Variants in NXPE2 observed in about 807,000 individuals in gnomAD.
NXPE2 encodes the protein neurexophilin and PC-esterase domain family member 2.
Under a neutral mutation model 34.4 loss-of-function variants are expected in NXPE2, and 34 were observed. The ratio of observed to expected loss-of-function variants is 0.99; its 90% confidence interval spans 0.75 to 1.31. The LOEUF is 1.31. NXPE2 is among the 40% of genes most tolerant of loss of function. The probability of loss-of-function intolerance (pLI) is 0.00; values close to 1 mark genes in which losing one functional copy is unlikely to be tolerated. For missense variants in NXPE2, 649 were observed against 672.5 expected, an observed-to-expected ratio of 0.97 and a Z score of 0.39; for synonymous variants, 235 against 231.3, an observed-to-expected ratio of 1.02 and a Z score of -0.15.
At chr11:114,548,695 A>G in the NXPE2 span, among the ~76,000 whole-genome samples, 2 of 152,028 alleles carry the variant, frequency 1.3e-5, no homozygotes, top group African/African-American at 4.8e-5. Context: ...TTAAGTACCT[A>G]TGTAAATGAG....
chr11:114,785,713 C>A, the NXPE2 span, among the ~76,000 whole-genome samples: 1 of 152,172 alleles, frequency 6.6e-6, no homozygotes, highest in East Asian at 1.9e-4. Flanking sequence ...CTGGACACAA[C>A]CAGAGCTCTT....
the NXPE2 span, among the ~76,000 whole-genome samples, chr11:114,761,561 C>CTTTTTTTTTT: frequency 2.2e-5 from 2 of 92,774 alleles, no homozygotes; most frequent in Admixed American, 1.3e-4. Flanking sequence ...AGCCAAGCCT[C>CTTTTTTTTTT]TTTTTTTTTT....
the NXPE2 span, among the ~76,000 whole-genome samples, chr11:114,572,628 A>G: frequency 6.6e-6 from 1 of 152,206 alleles, no homozygotes; most frequent in Admixed American, 6.5e-5. Flanking sequence ...TCAGAGCTAG[A>G]AGACAAGGCT....
At chr11:114,541,685 C>T in the NXPE2 span, among the ~76,000 whole-genome samples, 36 of 152,198 alleles carry the variant, frequency 2.4e-4, no homozygotes, top group African/African-American at 7.7e-4. Context: ...ATGGTGCTTC[C>T]AGGCTATAGG....
At chr11:114,771,628 C>T in the NXPE2 span, among the ~76,000 whole-genome samples, 1 of 152,270 alleles carries the variant, frequency 6.6e-6, no homozygotes, top group East Asian at 1.9e-4. Flanking sequence ...CTCACTCTCA[C>T]TGCATCCTTT....
chr11:114,632,784 T>A, the NXPE2 span, among the ~76,000 whole-genome samples: 1 of 220 alleles, frequency 4.5e-3, no homozygotes. Flanking sequence ...ATATATTATA[T>A]ATTATATAAT....
the NXPE2 span, among the ~76,000 whole-genome samples, chr11:114,572,556 G>C: frequency 6.6e-6 from 1 of 152,126 alleles, no homozygotes; most frequent in Admixed American, 6.6e-5. Flanking sequence ...GATACACTTA[G>C]AGAAATGCAA....
At chr11:114,598,657 A>T in the NXPE2 span, among the ~76,000 whole-genome samples, 1 of 151,182 alleles carries the variant, frequency 6.6e-6, no homozygotes, top group Non-Finnish European at 1.5e-5. Context: ...CTTGAGCTGT[A>T]CCTGGGCCTC....
At chr11:114,551,738 T>G in the NXPE2 span, among the ~76,000 whole-genome samples, 2 of 151,986 alleles carry the variant, frequency 1.3e-5, no homozygotes, top group African/African-American at 2.4e-5. Flanking sequence ...CCTTCAGGAA[T>G]GAATTACTCT....
chr11:114,712,479 A>G, the NXPE2 span, among the ~76,000 whole-genome samples: 179 of 152,348 alleles, frequency 1.2e-3, no homozygotes, highest in African/African-American at 3.9e-3. Context: ...ATTTCTTCAC[A>G]AAAGATATAC....
the NXPE2 span, among the ~76,000 whole-genome samples, chr11:114,772,978 C>T: frequency 2.3e-4 from 35 of 152,260 alleles, no homozygotes; most frequent in African/African-American, 7.0e-4. Flanking sequence ...ATATTCTTTT[C>T]AGCCTTCTCT....
chr11:114,523,373 A>G, the NXPE2 span, among the ~76,000 whole-genome samples: 1 of 151,982 alleles, frequency 6.6e-6, no homozygotes, highest in Non-Finnish European at 1.5e-5. Flanking sequence ...TTGACGTTCT[A>G]TCCTTTTTTC....
At chr11:114,543,340 G>A in the NXPE2 span, among the ~76,000 whole-genome samples, 2 of 151,312 alleles carry the variant, frequency 1.3e-5, no homozygotes, top group African/African-American at 4.9e-5. Context: ...ACTCCAGCCT[G>A]GGCAACAGAG....
chr11:114,476,571 A>AG, the NXPE2 span, among the ~76,000 whole-genome samples: 1 of 152,196 alleles, frequency 6.6e-6, no homozygotes, highest in African/African-American at 2.4e-5. Flanking sequence ...GGCTGGGTTA[A>AG]GCCTCAGGAA....
At chr11:114,576,466 A>G in the NXPE2 span, among the ~76,000 whole-genome samples, 2 of 152,264 alleles carry the variant, frequency 1.3e-5, no homozygotes, top group East Asian at 3.9e-4. Context: ...CAAAGGGCTC[A>G]TATCCAGAAT....
the NXPE2 span, chr11:114,584,632 A>C: frequency 6.4e-6 from 1 of 157,000 alleles, no homozygotes; most frequent in African/African-American, 2.4e-5. Context: ...GTCACAGAAG[A>C]GGAGAAAAAT....
chr11:114,670,039 T>C, the NXPE2 span, among the ~76,000 whole-genome samples: 2 of 151,980 alleles, frequency 1.3e-5, no homozygotes, highest in East Asian at 1.9e-4. Flanking sequence ...CACAAAGACA[T>C]AGCTAGGTAG....
the NXPE2 span, among the ~76,000 whole-genome samples, chr11:114,759,109 C>T: frequency 6.6e-6 from 1 of 151,954 alleles, no homozygotes; most frequent in Non-Finnish European, 1.5e-5. Flanking sequence ...CACACACACT[C>T]TCTCTCTGTC....
At chr11:114,642,272 A>T in the NXPE2 span, among the ~76,000 whole-genome samples, 1 of 152,052 alleles carries the variant, frequency 6.6e-6, no homozygotes, top group Non-Finnish European at 1.5e-5. Flanking sequence ...TTCCCAATTG[A>T]GGGATACTGT....
Sources: allele counts gnomAD v4.1 joint callset (sites outside exome capture counted in the v4.1 genomes callset), GRCh38; gene constraint gnomAD v4.1.1; transcripts MANE v1.5; gene names NCBI Gene and HGNC (gene_info 2026-07-23, HGNC 2026-07-21).